Variants in MLIP observed in about 807,000 individuals in gnomAD.
MLIP encodes muscular LMNA interacting protein.
MLIP carries 79 observed loss-of-function variants against 84.8 expected under a neutral mutation model. The ratio of observed to expected loss-of-function variants is 0.93; its 90% CI spans 0.78 to 1.12. The LOEUF (loss-of-function observed/expected upper bound fraction) is 1.12, where lower values mean the gene tolerates loss of function less well. Among genes scored for constraint, MLIP ranks in the 50% most tolerant of loss-of-function variants. MLIP has a pLI of 0.00. For synonymous variants in MLIP, 504 were observed against 463.0 expected (o/e 1.09, Z -1.14); for missense variants, 1,257 against 1,160.6 (o/e 1.08, Z -1.21).
intron 1 of MLIP, among the ~76,000 whole-genome samples, chr6:54,095,266 A>C (rs1398352151): frequency 1.3e-5 from 2 of 152,174 alleles, no homozygotes; most frequent in Non-Finnish European, 2.9e-5. Context: ...CTTGAGGCTA[A>C]AGTAAACATA....
chr6:54,051,012 A>G (rs1765345497), intron 1 of MLIP, among the ~76,000 whole-genome samples: 1 of 152,002 alleles, frequency 6.6e-6, no homozygotes, highest in Non-Finnish European at 1.5e-5. Context: ...TTGAAATCCA[A>G]CCCAACAATA....
chr6:54,127,530 CT>C (rs1771023782), intron 3 of MLIP, among the ~76,000 whole-genome samples: 1 of 152,066 alleles, frequency 6.6e-6, no homozygotes, highest in Non-Finnish European at 1.5e-5. Context: ...ATTCTGATAG[CT>C]TTTTTTCTGT....
chr6:54,230,176 C>T (rs886066195), intron 11 of MLIP, among the ~76,000 whole-genome samples: 1 of 152,108 alleles, frequency 6.6e-6, no homozygotes. Context: ...CCAGACCCAC[C>T]CTTCCCTGAT....
chr6:54,088,872 T>C (rs1187785579), intron 1 of MLIP, among the ~76,000 whole-genome samples: 1 of 152,174 alleles, frequency 6.6e-6, no homozygotes, highest in East Asian at 1.9e-4. Context: ...ATTCTTATAG[T>C]AGAAGTATGT....
At chr6:54,021,917 C>G (rs911662478) in intron 1 of MLIP, among the ~76,000 whole-genome samples, 8 of 152,166 alleles carry the variant, frequency 5.3e-5, no homozygotes, top group Non-Finnish European at 8.8e-5. Flanking sequence ...TGAAAACCAT[C>G]TATTAAATCA....
intron 3 of MLIP, among the ~76,000 whole-genome samples, chr6:54,135,166 C>T (rs1263611110): frequency 6.6e-6 from 1 of 152,088 alleles, no homozygotes; most frequent in Non-Finnish European, 1.5e-5. Flanking sequence ...TAACCAAATG[C>T]ATCAGTTACA....
At chr6:54,151,284 A>C (rs1376806472) in intron 5 of MLIP, among the ~76,000 whole-genome samples, 1 of 152,130 alleles carries the variant, frequency 6.6e-6, no homozygotes, top group Non-Finnish European at 1.5e-5. Flanking sequence ...GCCTTATCTA[A>C]AGGTTTTATG....
intron 1 of MLIP, among the ~76,000 whole-genome samples, chr6:54,044,410 C>T (rs1414663121): frequency 1.3e-5 from 2 of 152,222 alleles, no homozygotes; most frequent in African/African-American, 4.8e-5. Flanking sequence ...AATCCGATTG[C>T]TGTGGCCCAA....
At chr6:54,101,971 C>T (rs1162385786) in intron 1 of MLIP, among the ~76,000 whole-genome samples, 1 of 152,066 alleles carries the variant, frequency 6.6e-6, no homozygotes, top group Non-Finnish European at 1.5e-5. Flanking sequence ...GTGTAGTTCT[C>T]CTGGGTAGGA....
At chr6:54,042,419 G>T (rs1764798083) in intron 1 of MLIP, among the ~76,000 whole-genome samples, 1 of 151,746 alleles carries the variant, frequency 6.6e-6, no homozygotes, top group South Asian at 2.1e-4. Context: ...GATTTTAATA[G>T]ATATATTTAC....
intron 1 of MLIP, among the ~76,000 whole-genome samples, chr6:54,100,666 G>A (rs901351445): frequency 1.3e-5 from 2 of 152,082 alleles, no homozygotes; most frequent in Non-Finnish European, 2.9e-5. Context: ...TTGACACGTA[G>A]CACTGTCTTA....
At chr6:54,240,076 A>C (rs1562095497) in intron 12 of MLIP, among the ~76,000 whole-genome samples, 1 of 152,210 alleles carries the variant, frequency 6.6e-6, no homozygotes, top group Non-Finnish European at 1.5e-5. Context: ...GTATGCCTAT[A>C]CTTGAAAAAG....
At chr6:54,231,259 G>A (rs1436052004) in intron 12 of MLIP, among the ~76,000 whole-genome samples, 2 of 152,112 alleles carry the variant, frequency 1.3e-5, no homozygotes, top group Non-Finnish European at 2.9e-5. Context: ...TTAGTTCAGT[G>A]TTCCTAAAAA....
chr6:54,172,884 G>GAGAAATGCAGGC, intron 9 of MLIP, among the ~76,000 whole-genome samples: 1 of 151,588 alleles, frequency 6.6e-6, no homozygotes, highest in Non-Finnish European at 1.5e-5. Context: ...CCAGTCCGTG[G>GAGAAATGCAGGC]TCTTCTTAAA....
rs746412533 is a variant in MLIP, at chr6:54,160,805, T to A, written c.2499+6T>A. 1.9e-6 allele frequency: 3 copies of A among 1,603,076 alleles called. No individual in the cohort carries two copies. The highest frequency in any genetic ancestry group is 2.6e-6 in the Non-Finnish European group (3 of 1,172,068). The stretch of plus-strand genomic sequence containing the variant: ...TGGGTTCTGACACAGTCAAAGTATG[T>A]ATGTATTTAATATAATTTATGGAAC... On this transcript the variant is annotated splice_donor_region_variant and intron_variant, in intron 8 of 13. Coordinates refer to ENST00000502396, the MANE Select transcript of MLIP (RefSeq NM_001281747.2).
rs75648783 is a variant in MLIP, at chr6:54,052,401, C to T, written c.63+33310C>T. 5.1e-4 allele frequency among the ~76,000 whole-genome samples: 77 copies of T among 152,158 alleles called. 1 individual carries two copies. In the South Asian group the frequency reaches 7.0e-3, roughly 14 times the overall value. On this transcript the variant is annotated intron_variant, in intron 1 of 12. Transcript: ENST00000274897. ...GTTGTTCAACCATCTACTGAGAAAG[C>T]CTGAATTGTTTCTGCAATTCTGGTA...
At chr6:54,052,247 C>T (rs565911779) in intron 1 of MLIP, among the ~76,000 whole-genome samples, 1 of 152,230 alleles carries the variant, frequency 6.6e-6, no homozygotes, top group African/African-American at 2.4e-5. Flanking sequence ...AGATGAACAT[C>T]TACCTGGATG....
chr6:54,074,511 T>C (rs1766673954), intron 1 of MLIP, among the ~76,000 whole-genome samples: 1 of 152,228 alleles, frequency 6.6e-6, no homozygotes, highest in African/African-American at 2.4e-5. Context: ...GATCAATAAC[T>C]TTGATATTTT....
In MLIP at chr6:54,202,157, A is replaced by T. The variant is rs1330396328; in HGVS notation, c.2642A>T (p.Lys881Ile). The change falls in exon 11 of 14, where the codon AAA (lysine) becomes ATA (isoleucine). Residue 881 changes from lysine (K) to isoleucine (I), a missense_variant. Coordinates refer to ENST00000502396, the MANE Select transcript of MLIP (RefSeq NM_001281747.2). ...CCTGTAAAATCCAGAATATTACTGA[A>T]AAAAGAGGAGGAAGTCTATGAACCC... is the stretch of plus-strand genomic sequence containing the variant. ...PVPVKSRILLKKEEEVYEPNP... is the reference protein window; with the variant it reads ...PVPVKSRILLIKEEEVYEPNP... The T allele has an allele frequency of 2.5e-6, 4 of 1,604,112 alleles. No homozygotes were observed. Among genetic ancestry groups the T allele is most frequent in the Non-Finnish European group, 3.4e-6 (4 of 1,174,330 alleles).
Sources: allele counts gnomAD v4.1 joint callset (sites outside exome capture counted in the v4.1 genomes callset), GRCh38; gene constraint gnomAD v4.1.1; transcripts MANE v1.5; gene names NCBI Gene and HGNC (gene_info 2026-07-23, HGNC 2026-07-21).